Variants in GLI2 observed in about 807,000 individuals in gnomAD.
GLI2 encodes GLI family zinc finger 2.
Under a neutral mutation model 78.9 loss-of-function variants are expected in GLI2, and 22 were observed. That is an observed-to-expected ratio of 0.28 (90% confidence interval 0.20 to 0.40). The LOEUF (loss-of-function observed/expected upper bound fraction) is 0.40. Among genes scored for constraint, GLI2 ranks in the 10% least tolerant of loss-of-function variants. The probability of loss-of-function intolerance (pLI) is 1.00; values close to 1 mark genes in which losing one functional copy is unlikely to be tolerated. For synonymous variants in GLI2, 974 were observed against 963.7 expected (o/e 1.01, Z -0.20); for missense variants, 2,097 against 2,213.2 (o/e 0.95, Z 1.05).
intron 3 of GLI2, among the ~76,000 whole-genome samples, chr2:120,948,729 G>A (rs1417050708): frequency 3.3e-5 from 5 of 152,198 alleles, no homozygotes; most frequent in African/African-American, 1.2e-4. Flanking sequence ...GGCCTCAGCT[G>A]TGGTTGGCAC....
chr2:120,989,058 G>A lies in GLI2; in HGVS notation c.3093G>A (p.Gly1031=). 1.2e-6 allele frequency: 2 copies of A among 1,609,562 alleles called. No homozygotes were observed. The highest frequency in any genetic ancestry group is 8.5e-7 in the Non-Finnish European group (1 of 1,179,610). The change falls in exon 14 of 14, where the codon GGG becomes GGA. Residue 1031 remains glycine (G), a synonymous_variant. Transcript: ENST00000361492. ...EAVAAGVDGA[G]PEADLGLPED... ...TGGCGGCAGGAGTGGACGGCGCGGG[G>A]CCCGAGGCCGACCTGGGGCTGCCGG...
At chr2:120,847,280 C>T (rs1442629331) in intron 2 of GLI2, among the ~76,000 whole-genome samples, 4 of 151,904 alleles carry the variant, frequency 2.6e-5, no homozygotes, top group African/African-American at 4.8e-5. Context: ...TTTTAATAAT[C>T]GGAAGAAAAT....
At chr2:120,738,602 T>C (rs534351841) in intron 1 of GLI2, among the ~76,000 whole-genome samples, 9 of 152,308 alleles carry the variant, frequency 5.9e-5, no homozygotes, top group East Asian at 1.9e-4. Flanking sequence ...CAGCCTTCAG[T>C]TGGGCTAGCA....
chr2:120,985,113 C>T (rs1324527158), intron 12 of GLI2, among the ~76,000 whole-genome samples: 2 of 152,234 alleles, frequency 1.3e-5, no homozygotes, highest in African/African-American at 4.8e-5. Context: ...ATCCCCACCC[C>T]TCTGGCGTCC....
rs201823427 is a variant in GLI2 at position 120,974,925 on chromosome 2, G to A, written c.1183-50G>A. Reference sequence around the variant, plus strand: ...GGACTAACAGCGACCTCTTTTCAGGGCCAGGTGTCTGGACACGGCTCATGT... The same window carrying A: ...GGACTAACAGCGACCTCTTTTCAGGACCAGGTGTCTGGACACGGCTCATGT... On this transcript the variant is annotated intron_variant, in intron 8 of 13. Transcript: ENST00000361492. 9.9e-6 allele frequency: 16 copies of A among 1,614,172 alleles called. No homozygotes were observed. In the East Asian group the frequency reaches 1.1e-4, roughly 11 times the overall value.
chr2:120,913,353 C>A (rs758899069), intron 2 of GLI2, among the ~76,000 whole-genome samples: 1 of 152,200 alleles, frequency 6.6e-6, no homozygotes, highest in Non-Finnish European at 1.5e-5. Flanking sequence ...AAGCATGTAA[C>A]ACATCTCATT....
chr2:120,933,030 G>A (rs1680018536), intron 3 of GLI2, among the ~76,000 whole-genome samples: 1 of 152,204 alleles, frequency 6.6e-6, no homozygotes, highest in Admixed American at 6.5e-5. Context: ...TAGTTAGGGA[G>A]TAGACAGGAG....
At chr2:120,925,004 CT>C (rs1374725618) in intron 2 of GLI2, among the ~76,000 whole-genome samples, 1 of 152,228 alleles carries the variant, frequency 6.6e-6, no homozygotes, top group Non-Finnish European at 1.5e-5. Flanking sequence ...GGCAAAGAAA[CT>C]TACAAAAGTC....
At chr2:120,986,005 C>A (rs1312707685) in intron 12 of GLI2, among the ~76,000 whole-genome samples, 1 of 152,260 alleles carries the variant, frequency 6.6e-6, no homozygotes, top group East Asian at 1.9e-4. Flanking sequence ...CTGCACGCTG[C>A]GTGCTGTCCA....
chr2:120,830,745 C>G (rs1686319497), intron 2 of GLI2, among the ~76,000 whole-genome samples: 1 of 152,160 alleles, frequency 6.6e-6, no homozygotes, highest in Non-Finnish European at 1.5e-5. Context: ...ACTCCCTGCC[C>G]GTCCTGGTCC....
At chr2:120,802,502 A>C (rs762168135) in intron 2 of GLI2, among the ~76,000 whole-genome samples, 1 of 152,130 alleles carries the variant, frequency 6.6e-6, no homozygotes, top group Non-Finnish European at 1.5e-5. Context: ...TAACTTCTAA[A>C]ATGGTGTAAT....
chr2:120,831,631 G>A (rs1686364949), intron 2 of GLI2, among the ~76,000 whole-genome samples: 1 of 152,208 alleles, frequency 6.6e-6, no homozygotes, highest in Non-Finnish European at 1.5e-5. Flanking sequence ...CCTGTGAAGG[G>A]AGCTTTGGGT....
chr2:120,772,730 T>C (rs1460302350), intron 1 of GLI2, among the ~76,000 whole-genome samples: 1 of 152,258 alleles, frequency 6.6e-6, no homozygotes, highest in Non-Finnish European at 1.5e-5. Context: ...GGTAATAATG[T>C]AGAAGTTCAG....
chr2:120,878,839 A>G (rs1334526145), intron 2 of GLI2, among the ~76,000 whole-genome samples: 1 of 151,954 alleles, frequency 6.6e-6, no homozygotes, highest in Non-Finnish European at 1.5e-5. Context: ...AAGTCAGGAG[A>G]ATCGCTTGAA....
Position 120,954,349 on chromosome 2 carries a change from G to A in GLI2, c.458-896G>A, listed in dbSNP as rs148460453. ...TTGAGGCATGGACAGGGGAGGCAGA[G>A]GCTGTGGGCGATCAGCCTGGCTGGA... On this transcript the variant is annotated intron_variant, in intron 4 of 13. Coordinates refer to ENST00000361492, the MANE Select transcript of GLI2 (RefSeq NM_001374353.1). Among the ~76,000 whole-genome samples, 595 of 152,306 alleles carry A rather than the reference G, an allele frequency of 3.9e-3. 3 individuals carry two copies. The highest frequency in any genetic ancestry group is 0.02 in the Middle Eastern group (6 of 294).
chr2:120,865,531 G>T (rs528011273), intron 2 of GLI2, among the ~76,000 whole-genome samples: 1 of 152,172 alleles, frequency 6.6e-6, no homozygotes, highest in Admixed American at 6.5e-5. Flanking sequence ...GGCCTTTGCG[G>T]TGCCCTTGGA....
chr2:120,751,379 G>GT (rs1682869946), intron 1 of GLI2, among the ~76,000 whole-genome samples: 1 of 151,438 alleles, frequency 6.6e-6, no homozygotes, highest in Non-Finnish European at 1.5e-5. Flanking sequence ...AGATTGTATG[G>GT]TTTACAGTTT....
intron 1 of GLI2, among the ~76,000 whole-genome samples, chr2:120,775,078 T>C (rs958092887): frequency 2.0e-5 from 3 of 152,320 alleles, no homozygotes; most frequent in South Asian, 2.1e-4. Context: ...CTGGTCGACA[T>C]AGGGACGTGG....
intron 3 of GLI2, among the ~76,000 whole-genome samples, chr2:120,941,821 G>A (rs1311426955): frequency 6.6e-6 from 1 of 152,238 alleles, no homozygotes; most frequent in Non-Finnish European, 1.5e-5. Flanking sequence ...CAGCGGTTCC[G>A]AGGCAGGAGG....
Sources: gnomAD v4.1 joint callset for allele counts (sites outside exome capture counted in the v4.1 genomes callset) on GRCh38, gnomAD v4.1.1 for gene constraint, MANE v1.5 for transcripts, NCBI Gene and HGNC (gene_info 2026-07-23, HGNC 2026-07-21) for gene names.